Variants in RIN2 observed in about 807,000 individuals in gnomAD.
RIN2 encodes the protein Ras and Rab interactor 2.
RIN2 carries 36 observed loss-of-function variants against 78.0 expected under a neutral mutation model. The ratio of observed to expected loss-of-function variants is 0.46; its 90% CI spans 0.35 to 0.61. The LOEUF is 0.61. Among genes scored for constraint, RIN2 ranks in the 20% least tolerant of loss-of-function variants. The pLI is 0.00. For missense variants in RIN2, 1,087 were observed against 1,159.7 expected (o/e 0.94, Z 0.91); for synonymous variants, 466 against 466.8 (o/e 1.00, Z 0.02).
chr20:19,968,719 G>A lies in RIN2; in HGVS notation c.537-2119G>A, dbSNP rs1230444812. Among the ~76,000 whole-genome samples the A allele has an allele frequency of 5.9e-5, 9 of 152,144 alleles. No homozygotes were observed. In the South Asian group the frequency reaches 1.2e-3, roughly 21 times the overall value. On this transcript the variant is annotated intron_variant, in intron 7 of 12. Coordinates refer to ENST00000255006, the MANE Select transcript of RIN2 (RefSeq NM_018993.4). ...CTTAATATAAACACAGGTTGGTTTT[G>A]TGGTATGCAGCTTTCCCCCAAAATT...
At chr20:19,945,790 T>C (rs1334187731) in intron 4 of RIN2, among the ~76,000 whole-genome samples, 1 of 152,140 alleles carries the variant, frequency 6.6e-6, no homozygotes, top group Admixed American at 6.5e-5. Flanking sequence ...GGGGTGTCCA[T>C]GGGAGAAATT....
At chr20:19,786,418 T>C (rs1280440276) in intron 1 of RIN2, among the ~76,000 whole-genome samples, 2 of 152,082 alleles carry the variant, frequency 1.3e-5, no homozygotes, top group African/African-American at 4.8e-5. Context: ...TGAAGCTACA[T>C]GAAGAAAGAG....
intron 1 of RIN2, among the ~76,000 whole-genome samples, chr20:19,777,131 C>T (rs2122486102): frequency 6.6e-6 from 1 of 152,306 alleles, no homozygotes; most frequent in African/African-American, 2.4e-5. Context: ...CTCCCTCCAT[C>T]CTTCATGGTA....
chr20:19,928,690 C>G (rs1300457212), intron 3 of RIN2, among the ~76,000 whole-genome samples: 1 of 152,122 alleles, frequency 6.6e-6, no homozygotes, highest in Non-Finnish European at 1.5e-5. Context: ...TGCAGGAGCA[C>G]TCAGGTGAAC....
intron 9 of RIN2, among the ~76,000 whole-genome samples, chr20:19,981,223 G>T (rs1399641427): frequency 1.3e-5 from 2 of 152,178 alleles, no homozygotes; most frequent in African/African-American, 4.8e-5. Context: ...ACTTCTGGTG[G>T]CAGGGAATTA....
At chr20:19,947,103 T>G (rs1338786396) in intron 4 of RIN2, among the ~76,000 whole-genome samples, 1 of 151,736 alleles carries the variant, frequency 6.6e-6, no homozygotes, top group African/African-American at 2.4e-5. Flanking sequence ...TTAAAATAAG[T>G]AATGGCCATT....
At chr20:19,772,990 T>C (rs2034186972) in intron 1 of RIN2, among the ~76,000 whole-genome samples, 1 of 152,128 alleles carries the variant, frequency 6.6e-6, no homozygotes, top group Non-Finnish European at 1.5e-5. Flanking sequence ...ACAAACAAGG[T>C]GGCTCGAAAC....
At chr20:19,984,423 A>G (rs970911734) in intron 9 of RIN2, among the ~76,000 whole-genome samples, 6 of 152,162 alleles carry the variant, frequency 3.9e-5, no homozygotes, top group African/African-American at 1.2e-4. Flanking sequence ...CAGTATCTAT[A>G]TATCTAAACA....
intron 3 of RIN2, among the ~76,000 whole-genome samples, chr20:19,924,468 T>C (rs868628390): frequency 3.7e-4 from 17 of 45,720 alleles, no homozygotes; most frequent in Non-Finnish European, 6.4e-4. Context: ...ACCCTCACCT[T>C]CATACCCCCA....
intron 2 of RIN2, among the ~76,000 whole-genome samples, chr20:19,849,464 C>A (rs1050179729): frequency 2.6e-5 from 4 of 152,178 alleles, no homozygotes; most frequent in African/African-American, 9.7e-5. Context: ...CATCGTTCTA[C>A]CCCGACTCTG....
At chr20:19,886,526 A>T in intron 2 of RIN2, 2 of 564,764 alleles carry the variant, frequency 3.5e-6, no homozygotes, top group East Asian at 2.9e-5. Context: ...ACATTCTTTC[A>T]GTGGTGTTGT....
chr20:19,826,250 CTAA>C (rs529040642), intron 2 of RIN2, among the ~76,000 whole-genome samples: 260 of 152,162 alleles, frequency 1.7e-3, no homozygotes, highest in Middle Eastern at 0.014. Flanking sequence ...TAAAAAAATT[CTAA>C]TAATAAATAA....
At chr20:19,821,421 G>A (rs766174234) in intron 2 of RIN2, among the ~76,000 whole-genome samples, 3 of 151,870 alleles carry the variant, frequency 2.0e-5, no homozygotes, top group Admixed American at 6.6e-5. Flanking sequence ...TCCCCTACCT[G>A]CTTGGCCATC....
Position 19,804,457 on chromosome 20 carries a change from A to T in RIN2, c.-37+4710A>T, listed in dbSNP as rs149318005. Reference sequence around the variant, plus strand: ...CTTTTCTACATCTATTGAGATAATCATGTGGTTTTTATCTTTAGTTCTGTT... The same window carrying T: ...CTTTTCTACATCTATTGAGATAATCTTGTGGTTTTTATCTTTAGTTCTGTT... On this transcript the variant is annotated intron_variant, in intron 2 of 12. Coordinates refer to ENST00000255006, the MANE Select transcript of RIN2 (RefSeq NM_018993.4). Among the ~76,000 whole-genome samples, 698 of 152,246 alleles carry T rather than the reference A, an allele frequency of 4.6e-3. 3 individuals carry two copies. Among genetic ancestry groups the T allele is most frequent in the African/African-American group, 0.016 (678 of 41,552 alleles).
At chr20:19,785,597 ATT>A (rs1405400221) in intron 1 of RIN2, among the ~76,000 whole-genome samples, 1 of 152,164 alleles carries the variant, frequency 6.6e-6, no homozygotes, top group Non-Finnish European at 1.5e-5. Context: ...CAAGGCAAGC[ATT>A]TCTTATCCAT....
intron 2 of RIN2, among the ~76,000 whole-genome samples, chr20:19,800,689 C>A (rs62203169): frequency 0.049 from 7,492 of 152,274 alleles, 239 homozygotes; most frequent in South Asian, 0.1. Context: ...GATGCTAAAT[C>A]GAGCAGAGAT....
intron 1 of RIN2, among the ~76,000 whole-genome samples, chr20:19,784,718 G>A (rs887484109): frequency 1.3e-5 from 2 of 152,102 alleles, no homozygotes; most frequent in Admixed American, 6.5e-5. Flanking sequence ...CCCCTGTCTA[G>A]AGCATTGGGC....
At chr20:19,853,592 G>A (rs1176093048) in intron 2 of RIN2, among the ~76,000 whole-genome samples, 6 of 152,282 alleles carry the variant, frequency 3.9e-5, no homozygotes, top group Admixed American at 6.5e-5. Flanking sequence ...GCATGAGATG[G>A]TATCTCATTG....
At chr20:19,846,043 T>G (rs906923053) in intron 2 of RIN2, among the ~76,000 whole-genome samples, 3 of 152,222 alleles carry the variant, frequency 2.0e-5, no homozygotes, top group Non-Finnish European at 4.4e-5. Context: ...GTTGTAGATG[T>G]GTGGCGTTAC....
Sources: allele counts gnomAD v4.1 joint callset (sites outside exome capture counted in the v4.1 genomes callset), GRCh38; gene constraint gnomAD v4.1.1; transcripts MANE v1.5; gene names NCBI Gene and HGNC (gene_info 2026-07-23, HGNC 2026-07-21).